MRPS10: variants seen among roughly 807,000 people sequenced by gnomAD.
MRPS10 encodes small ribosomal subunit protein uS10m.
A neutral mutation model predicts 27.5 loss-of-function variants in MRPS10; 23 were observed. The ratio of observed to expected loss-of-function variants is 0.84; its 90% CI spans 0.60 to 1.18. The LOEUF is 1.18. Ranked by LOEUF, MRPS10 falls within the 50% of genes most tolerant of loss-of-function variation. The pLI is 0.00. For synonymous variants in MRPS10, 88 were observed against 84.2 expected (o/e 1.04, Z -0.25); for missense variants, 237 against 240.1 (o/e 0.99, Z 0.09).
chr6:42,208,770 G>C, intron 6 of MRPS10, 88 bp downstream of exon 6: 5 of 910,646 alleles, frequency 5.5e-6, no homozygotes, highest in Non-Finnish European at 8.5e-6. Context: ...TACTCAGTGG[G>C]CCAGGACCAG....
At chr6:42,215,818 G>T (rs1225936387) in intron 1 of MRPS10, among the ~76,000 whole-genome samples, 2 of 151,870 alleles carry the variant, frequency 1.3e-5, no homozygotes, top group Non-Finnish European at 2.9e-5. Context: ...TGCACCAAAG[G>T]GGAAAAGGAA....
intron 6 of MRPS10, 143 bp downstream of exon 6, chr6:42,208,715 T>C (rs534068925): frequency 9.1e-5 from 57 of 624,210 alleles, no homozygotes; most frequent in African/African-American, 8.8e-4. Context: ...CCCCAACCGC[T>C]GTGGCAACTG....
rs773987803 is a variant in MRPS10, at chr6:42,211,809, C to T, written c.295G>A (p.Ala99Thr). ...DSYEYFAVLA[A>T]KELGISIKVH... is the part of the protein sequence containing the mutation. ...TTAATAGAGATACCAAGTTCTTTAG[C>T]AGCAAGCACAGCAAAATATTCATAA... The change falls in exon 4 of 7, where the codon GCT becomes ACT. Residue 99 changes from alanine to threonine, a missense_variant. Physicochemically the swap from Ala to Thr is moderately conservative, Grantham distance 58. Transcript: ENST00000053468. 1 of 1,613,670 alleles carries T rather than the reference C, an allele frequency of 6.2e-7. No individual in the cohort carries two copies. The highest frequency in any genetic ancestry group is 1.1e-5 in the South Asian group (1 of 90,982).
chr6:42,215,464 TC>T (rs1459962888), intron 1 of MRPS10, among the ~76,000 whole-genome samples: 7 of 151,832 alleles, frequency 4.6e-5, no homozygotes, highest in Non-Finnish European at 1.0e-4. Context: ...TGAGACAAGG[TC>T]TCACTCTGTT....
Position 42,207,610 on chromosome 6 carries a change from T to C in MRPS10, c.*679A>G, listed in dbSNP as rs1168663965. 6.6e-6 allele frequency: 1 copy of C among 152,242 alleles called. No individual in the cohort carries two copies. Among genetic ancestry groups the C allele is most frequent in the Non-Finnish European group, 1.5e-5 (1 of 68,052 alleles). 9.4% of individuals were successfully genotyped at this position (152,242 alleles called of 1,614,324 possible). A position where few individuals can be genotyped will look rare whatever the true frequency, so the allele number is the denominator to read the frequency against. ...ATGTAAAGTTTATGCAGTAAAAGCT[T>C]ATTGAATGAATGAATCATAGGATAA... On this transcript the variant is annotated 3_prime_UTR_variant, in exon 7 of 7. Coordinates refer to ENST00000053468, the MANE Select transcript of MRPS10 (RefSeq NM_018141.4).
chr6:42,217,797 A>G lies in MRPS10; in HGVS notation c.48+5T>C. On this transcript the variant is annotated splice_donor_5th_base_variant and intron_variant, in intron 1 of 6. Coordinates refer to ENST00000053468, the MANE Select transcript of MRPS10 (RefSeq NM_018141.4). ...CCCTCCTAGTCTCCCTAGCCAATCC[A>G]GTACCTGCCAGAGGCGCCGGCACAC... The G allele has an allele frequency of 1.2e-6, 2 of 1,614,140 alleles. No homozygotes were observed. Among genetic ancestry groups the G allele is most frequent in the Non-Finnish European group, 1.7e-6 (2 of 1,180,000 alleles).
In MRPS10 at chr6:42,207,928, G is replaced by T; in HGVS notation, c.*361C>A. ...CTAGGAATCTTAAAAAAAAATAAGG[G>T]TACGAACACTCCAAGCACTTATTTT... On this transcript the variant is annotated 3_prime_UTR_variant, in exon 7 of 7. Coordinates refer to ENST00000053468, the MANE Select transcript of MRPS10 (RefSeq NM_018141.4). 9.3e-6 allele frequency: 2 copies of T among 214,268 alleles called. No homozygotes were observed. Among genetic ancestry groups the T allele is most frequent in the Non-Finnish European group, 1.8e-5 (2 of 109,392 alleles). The allele number at this position is 214,268 out of a possible 1,614,324, so 13.3% of individuals were successfully genotyped here.
At chr6:42,214,494 G>A (rs542037016) in intron 1 of MRPS10, 150 bp from the exon 2 acceptor site, 134 of 515,294 alleles carry the variant, frequency 2.6e-4, no homozygotes, top group African/African-American at 2.5e-3. Context: ...AAAAAAAAAA[G>A]AGGACAATGG....
intron 4 of MRPS10, 135 bp downstream of exon 4, chr6:42,211,645 GC>G (rs1201071661): frequency 1.2e-6 from 1 of 830,864 alleles, no homozygotes; most frequent in African/African-American, 1.9e-5. Context: ...CTGTACTCCA[GC>G]CTGGGCAACA....
intron 3 of MRPS10, 105 bp from the exon 4 acceptor site, chr6:42,212,022 T>C (rs1284759594): frequency 5.6e-6 from 6 of 1,065,992 alleles, no homozygotes; most frequent in East Asian, 4.9e-5. Flanking sequence ...TACTAATAAA[T>C]GAGGAGAAAA....
chr6:42,214,337 C>A lies in MRPS10; in HGVS notation c.56G>T (p.Gly19Val), dbSNP rs1211512216. The change falls in exon 2 of 7, where the codon GGG (glycine) becomes GTG (valine). Residue 19 changes from glycine (G) to valine (V), a missense_variant. Physicochemically the swap from Gly to Val is moderately radical, Grantham distance 109 (BLOSUM62 -3). Around this residue, in one of 3 missense-constraint regions of MRPS10, gnomAD observed 164 missense variants for 137.8 expected, o/e 1.19. Coordinates refer to ENST00000053468, the MANE Select transcript of MRPS10 (RefSeq NM_018141.4). ...CTTAGAAGTGTTTACAGAAAAATTC[C>A]CCAATCCCTAAAGAAAAAAAAAGTA... is the stretch of plus-strand genomic sequence containing the variant. ...AVCRRLWQGL[G>V]NFSVNTSKGN... 2 of 1,607,102 alleles carry A rather than the reference C, an allele frequency of 1.2e-6. 1 individual carries two copies. Among genetic ancestry groups the A allele is most frequent in the South Asian group, 2.2e-5 (2 of 89,894 alleles).
intron 6 of MRPS10, 63 bp from the exon 7 acceptor site, chr6:42,208,435 G>T: frequency 8.1e-7 from 1 of 1,238,318 alleles, no homozygotes; most frequent in Non-Finnish European, 1.1e-6. Context: ...CTACAAATCG[G>T]ACTTATTAAT....
intron 4 of MRPS10, among the ~76,000 whole-genome samples, chr6:42,211,283 G>C (rs113483146): frequency 1.3e-5 from 2 of 152,298 alleles, no homozygotes; most frequent in African/African-American, 4.8e-5. Context: ...CTACCTCCCT[G>C]CTCCATGGAG....
intron 1 of MRPS10, 44 bp downstream of exon 1, chr6:42,217,758 A>G (rs939203406): frequency 1.9e-6 from 3 of 1,606,058 alleles, no homozygotes; most frequent in South Asian, 1.1e-5. Context: ...CTTAAAAGCA[A>G]CTATCCCGGT....
At chr6:42,209,608 C>T (rs1247131462) in intron 5 of MRPS10, among the ~76,000 whole-genome samples, 1 of 151,732 alleles carries the variant, frequency 6.6e-6, no homozygotes, top group Non-Finnish European at 1.5e-5. Context: ...ATTAGCCAGG[C>T]GCGGTGGCGT....
chr6:42,208,069 T>C lies in MRPS10; in HGVS notation c.*220A>G. 1.9e-6 allele frequency: 1 copy of C among 538,732 alleles called. No individual in the cohort carries two copies. Among genetic ancestry groups the C allele is most frequent in the South Asian group, 2.5e-5 (1 of 40,162 alleles). 33.4% of individuals were successfully genotyped at this position (538,732 alleles called of 1,614,324 possible). On this transcript the variant is annotated 3_prime_UTR_variant, in exon 7 of 7. Transcript: ENST00000053468. ...TTTCAGTCAAAGTGGTTTGCTCATGTTTGCTGAAATCAGAACTGAAACAAT... is the reference window on the plus strand; with the variant it reads ...TTTCAGTCAAAGTGGTTTGCTCATGCTTGCTGAAATCAGAACTGAAACAAT...
chr6:42,209,052 T>G (rs1206920326), intron 5 of MRPS10, 105 bp from the exon 6 acceptor site: 1 of 706,148 alleles, frequency 1.4e-6, no homozygotes, highest in Admixed American at 2.7e-5. Flanking sequence ...TGGGCTGGAG[T>G]GTGTGCAATC....
intron 6 of MRPS10, 33 bp downstream of exon 6, chr6:42,208,825 C>A: frequency 1.4e-6 from 2 of 1,406,660 alleles, no homozygotes; most frequent in South Asian, 1.2e-5. Context: ...CTCCCCACCG[C>A]CCCACCGAAA....
At chr6:42,216,385 AGTGTGTGT>A (rs1225590522) in intron 1 of MRPS10, among the ~76,000 whole-genome samples, 17 of 58,694 alleles carry the variant, frequency 2.9e-4, no homozygotes, top group Admixed American at 6.3e-4. Flanking sequence ...AGAGAGAGAG[AGTGTGTGT>A]GTGTGTGTGT....
Sources: gnomAD v4.1 joint callset for allele counts (sites outside exome capture counted in the v4.1 genomes callset) on GRCh38, gnomAD v4.1.1 for gene constraint, gnomAD v4.1.1 regional missense constraint, MANE v1.5 for transcripts, NCBI Gene and HGNC (gene_info 2026-07-23, HGNC 2026-07-21) for gene names.